The following FRMPD4 variants were observed in gnomAD, a reference collection of about 807,000 sequenced individuals.
FRMPD4 encodes FERM and PDZ domain containing 4.
A neutral mutation model predicts 94.1 loss-of-function variants in FRMPD4; 22 were observed. That is an observed-to-expected ratio of 0.23 (90% CI 0.17 to 0.33). The LOEUF (loss-of-function observed/expected upper bound fraction) is 0.33. Ranked by LOEUF, FRMPD4 falls within the 10% of genes least tolerant of loss-of-function variation. FRMPD4 has a pLI of 1.00. For missense variants in FRMPD4, 1,111 were observed against 1,339.9 expected, an observed-to-expected ratio of 0.83 and a Z score of 2.67; for synonymous variants, 631 against 548.6, an observed-to-expected ratio of 1.15 and a Z score of -2.10.
intron 3 of FRMPD4, among the ~76,000 whole-genome samples, chrX:12,065,937 C>G (rs534405723): frequency 1.8e-5 from 2 of 111,831 alleles, no homozygotes; most frequent in South Asian, 7.5e-4. Context: ...ACAAATCAGC[C>G]ACTATTGTTT....
intron 13 of FRMPD4, among the ~76,000 whole-genome samples, chrX:12,708,468 CAA>C (rs35569007): frequency 5.1e-5 from 3 of 59,294 alleles, no homozygotes; most frequent in Admixed American, 2.0e-4. Context: ...GACTCCATCT[CAA>C]AAAAAAAAAA....
intron 4 of FRMPD4, among the ~76,000 whole-genome samples, chrX:12,655,832 T>C (rs2059649277): frequency 1.8e-5 from 2 of 112,120 alleles, no homozygotes; most frequent in African/African-American, 6.5e-5. Flanking sequence ...TCCCAAATCT[T>C]CATGATGATT....
chrX:12,440,707 G>A lies in FRMPD4; in HGVS notation c.42-57973G>A, dbSNP rs762956780. Reference sequence around the variant, plus strand: ...TAGGGTGTGTGGGGACTTGGGAGGGGGGGGAGCAGCAACAGAAATGAAAAA... The same window carrying A: ...TAGGGTGTGTGGGGACTTGGGAGGGAGGGGAGCAGCAACAGAAATGAAAAA... On this transcript the variant is annotated intron_variant, in intron 1 of 16. Coordinates refer to ENST00000675598, the MANE Select transcript of FRMPD4 (RefSeq NM_001368397.1). Among the ~76,000 whole-genome samples the A allele has an allele frequency of 4.5e-5, 5 of 111,000 alleles. No individual in the cohort carries two copies. The South Asian group carries it at 1.2e-3, about 26-fold the overall frequency.
chrX:12,556,840 G>A (rs1396117898), intron 2 of FRMPD4, among the ~76,000 whole-genome samples: 1 of 74,200 alleles, frequency 1.3e-5, no homozygotes, highest in Non-Finnish European at 2.9e-5. Flanking sequence ...TAAGAGAAAG[G>A]GTATACAAGT....
At chrX:12,153,484 C>T (rs761351448) in intron 1 of FRMPD4, among the ~76,000 whole-genome samples, 12 of 112,055 alleles carry the variant, frequency 1.1e-4, no homozygotes, top group East Asian at 2.8e-4. Context: ...TGATGAAACA[C>T]GCATAGGAGG....
chrX:12,375,669 C>T (rs904181167), intron 1 of FRMPD4, among the ~76,000 whole-genome samples: 1 of 112,315 alleles, frequency 8.9e-6, no homozygotes, highest in Non-Finnish European at 1.9e-5. Flanking sequence ...TTCATTATGC[C>T]TAAAAGTCTC....
intron 4 of FRMPD4, among the ~76,000 whole-genome samples, chrX:12,621,072 G>GA (rs931867774): frequency 2.5e-4 from 27 of 108,961 alleles, no homozygotes; most frequent in African/African-American, 7.3e-4. Flanking sequence ...AATACAAAAA[G>GA]AAAAAAAAAT....
At position 12,724,468 on chromosome X, in the gene FRMPD4, G is replaced by A. The variant is rs185856873; in HGVS notation, c.*2610G>A. On this transcript the variant is annotated 3_prime_UTR_variant, in exon 17 of 17. Coordinates refer to ENST00000675598, the MANE Select transcript of FRMPD4 (RefSeq NM_001368397.1). The stretch of plus-strand genomic sequence containing the variant: ...GTGTATGTTTTATAATGGCATAATA[G>A]TACAATGGTACATGTACATAATTTT... The A allele has an allele frequency of 9.0e-6, 1 of 111,685 alleles. No individual in the cohort carries two copies. The highest frequency in any genetic ancestry group is 3.2e-5 in the African/African-American group (1 of 30,802). The allele number at this position is 111,685 out of a possible 1,213,427, so 9.2% of individuals were successfully genotyped here.
At chrX:12,663,281 G>T (rs145410882) in intron 4 of FRMPD4, among the ~76,000 whole-genome samples, 1,660 of 112,043 alleles carry the variant, frequency 0.015, 31 homozygotes, top group African/African-American at 0.051. Context: ...CCATGCCTAT[G>T]TCCTGAATGG....
At chrX:11,921,086 C>T (rs1006988343) in intron 3 of FRMPD4, among the ~76,000 whole-genome samples, 1 of 112,233 alleles carries the variant, frequency 8.9e-6, no homozygotes, top group Admixed American at 9.4e-5. Context: ...CATCCGCATC[C>T]ACTGCCCCGT....
At chrX:12,531,066 A>G (rs912221976) in intron 2 of FRMPD4, among the ~76,000 whole-genome samples, 1 of 110,431 alleles carries the variant, frequency 9.1e-6, no homozygotes, top group Non-Finnish European at 1.9e-5. Flanking sequence ...AAGGAGAGCA[A>G]TTAGAAAATT....
intron 1 of FRMPD4, among the ~76,000 whole-genome samples, chrX:12,204,473 G>A (rs1378528343): frequency 1.8e-5 from 2 of 111,464 alleles, no homozygotes; most frequent in African/African-American, 6.5e-5. Context: ...CGAAAAGTGA[G>A]GCCAGAGCTC....
chrX:12,374,615 A>T (rs757482118), intron 1 of FRMPD4, among the ~76,000 whole-genome samples: 1 of 112,220 alleles, frequency 8.9e-6, no homozygotes, highest in East Asian at 2.8e-4. Context: ...ACAAAACCTT[A>T]CTTGCCATTT....
At chrX:12,085,443 T>A (rs1320114281) in intron 3 of FRMPD4, among the ~76,000 whole-genome samples, 1 of 109,801 alleles carries the variant, frequency 9.1e-6, no homozygotes, top group African/African-American at 3.3e-5. Flanking sequence ...CTGAGGTGGG[T>A]GGGAGGATCT....
intron 1 of FRMPD4, among the ~76,000 whole-genome samples, chrX:12,199,237 A>ATG (rs5901464): frequency 0.34 from 31,057 of 90,898 alleles, 4,533 homozygotes; most frequent in Non-Finnish European, 0.41. Context: ...AGAAAGGAAA[A>ATG]TGTGTGTGTG....
At chrX:12,482,685 A>T (rs754341493) in intron 1 of FRMPD4, among the ~76,000 whole-genome samples, 11 of 112,603 alleles carry the variant, frequency 9.8e-5, no homozygotes, top group Non-Finnish European at 2.1e-4. Flanking sequence ...TAAAAACAAA[A>T]ACAAACTGCT....
chrX:11,902,475 G>C (rs1287169570), intron 3 of FRMPD4, among the ~76,000 whole-genome samples: 1 of 111,659 alleles, frequency 9.0e-6, no homozygotes, highest in African/African-American at 3.3e-5. Context: ...GAGCACTCTG[G>C]TCCCTCGTCT....
At chrX:12,320,124 TA>T (rs1176210241) in intron 1 of FRMPD4, among the ~76,000 whole-genome samples, 4 of 112,108 alleles carry the variant, frequency 3.6e-5, no homozygotes, top group Non-Finnish European at 7.5e-5. Context: ...GGTGTTTTTT[TA>T]GCTTAATAGA....
chrX:12,033,072 T>G lies in FRMPD4; in HGVS notation c.95+155054T>G, dbSNP rs1044919790. ...ACTACCTTCATTGTGGTGCAACCAC[T>G]CCATTCTGTTTTGGATTCTCTACAG... On this transcript the variant is annotated intron_variant, in intron 3 of 18. Transcript: ENST00000640291. 3.6e-5 allele frequency among the ~76,000 whole-genome samples: 4 copies of G among 112,336 alleles called. 1 individual carries two copies. In the South Asian group the frequency reaches 1.1e-3, roughly 31 times the overall value.
Sources: allele counts gnomAD v4.1 joint callset (sites outside exome capture counted in the v4.1 genomes callset), GRCh38; gene constraint gnomAD v4.1.1; transcripts MANE v1.5; gene names NCBI Gene and HGNC (gene_info 2026-07-23, HGNC 2026-07-21).